PCDH11Y: variants seen among roughly 807,000 people sequenced by gnomAD.
PCDH11Y encodes protocadherin-11 Y-linked.
For missense variants in PCDH11Y, 12 were observed against 224.8 expected, an observed-to-expected ratio of 0.05 and a Z score of 6.05; for synonymous variants, 9 against 83.6, an observed-to-expected ratio of 0.11 and a Z score of 4.87.
intron 4 of PCDH11Y, among the ~76,000 whole-genome samples, chrY:5,634,299 A>T: frequency 3.0e-5 from 1 of 33,133 alleles, no homozygotes. Context: ...GATTTATCTT[A>T]TAAGAAAAGG....
At chrY:5,205,543 A>AATAT (rs113629927) in intron 2 of PCDH11Y, among the ~76,000 whole-genome samples, 2 of 23,112 alleles carry the variant, frequency 8.7e-5, no homozygotes, top group African/African-American at 3.3e-4. Flanking sequence ...ATATACACTG[A>AATAT]ATATATATAT....
intron 2 of PCDH11Y, among the ~76,000 whole-genome samples, chrY:5,435,164 C>T (rs2124681012): frequency 2.4e-4 from 8 of 33,263 alleles, no homozygotes; most frequent in Admixed American, 8.2e-4. Context: ...CTTACAGCCT[C>T]TGTAAAGTTG....
chrY:5,741,364 T>A (rs2750739), exon 5 of PCDH11Y: 1 of 29,995 alleles, frequency 3.3e-5, no homozygotes, highest in Non-Finnish European at 7.9e-5. Context: ...AAATTAAAGG[T>A]GTTTTACTCA....
At chrY:5,021,357 G>T in intron 1 of PCDH11Y, among the ~76,000 whole-genome samples, 1 of 32,637 alleles carries the variant, frequency 3.1e-5, no homozygotes, top group Non-Finnish European at 7.5e-5. Context: ...GCATAACGCC[G>T]TCTCTATTAA....
At chrY:5,560,718 A>G in intron 3 of PCDH11Y, among the ~76,000 whole-genome samples, 1 of 33,433 alleles carries the variant, frequency 3.0e-5, no homozygotes, top group African/African-American at 1.2e-4. Context: ...CCTAGGTTTC[A>G]GGGGATTTGT....
intron 3 of PCDH11Y, among the ~76,000 whole-genome samples, chrY:5,575,855 CA>C (rs2053445569): frequency 3.1e-5 from 1 of 32,718 alleles, no homozygotes; most frequent in Non-Finnish European, 7.5e-5. Flanking sequence ...CTTTACAAAT[CA>C]ATTTCACTGT....
At chrY:5,283,837 A>G (rs2124661026) in intron 2 of PCDH11Y, among the ~76,000 whole-genome samples, 1 of 32,066 alleles carries the variant, frequency 3.1e-5, no homozygotes, top group African/African-American at 1.2e-4. Flanking sequence ...AACTATAATA[A>G]TGATACCAAC....
chrY:5,135,959 G>A, intron 2 of PCDH11Y, among the ~76,000 whole-genome samples: 1 of 31,309 alleles, frequency 3.2e-5, no homozygotes, highest in Non-Finnish European at 7.7e-5. Flanking sequence ...GCAACATCCT[G>A]GCTAACCAGA....
At chrY:5,509,068 A>G in intron 3 of PCDH11Y, among the ~76,000 whole-genome samples, 1 of 32,981 alleles carries the variant, frequency 3.0e-5, no homozygotes, top group South Asian at 6.7e-4. Flanking sequence ...CTAAATTAAG[A>G]TTTGAAGTGT....
chrY:5,467,864 T>C, intron 2 of PCDH11Y, among the ~76,000 whole-genome samples: 2 of 32,733 alleles, frequency 6.1e-5, no homozygotes, highest in Non-Finnish European at 1.5e-4. Context: ...AAAGAAATAA[T>C]ACCAAATTTA....
chrY:5,557,547 T>C (rs2053424116), intron 3 of PCDH11Y, among the ~76,000 whole-genome samples: 1 of 34,530 alleles, frequency 2.9e-5, no homozygotes, highest in African/African-American at 1.1e-4. Flanking sequence ...CATAGTTCTT[T>C]ATCAGTTCCA....
At chrY:5,403,359 G>T in intron 2 of PCDH11Y, among the ~76,000 whole-genome samples, 1 of 32,909 alleles carries the variant, frequency 3.0e-5, no homozygotes, top group East Asian at 8.0e-4. Context: ...AACTTCACCC[G>T]TTTCAATTTT....
At chrY:5,589,431 G>A (rs2053458579) in intron 4 of PCDH11Y, among the ~76,000 whole-genome samples, 2 of 33,450 alleles carry the variant, frequency 6.0e-5, no homozygotes, top group African/African-American at 2.3e-4. Context: ...CTGTTACCTT[G>A]TAAGTTACCT....
chrY:5,298,353 G>A, intron 2 of PCDH11Y, among the ~76,000 whole-genome samples: 1 of 32,795 alleles, frequency 3.0e-5, no homozygotes, highest in African/African-American at 1.2e-4. Context: ...CAGTTAATCC[G>A]GATATTTCAA....
chrY:5,392,161 G>A (rs2053221894), intron 2 of PCDH11Y, among the ~76,000 whole-genome samples: 1 of 32,255 alleles, frequency 3.1e-5, no homozygotes, highest in Non-Finnish European at 7.5e-5. Flanking sequence ...ACGAGGTCAG[G>A]AGATCGAGAC....
In PCDH11Y at chrY:5,017,301, A is replaced by T. The variant is rs1569474166; in HGVS notation, c.-133-14605A>T. 1.5e-4 allele frequency among the ~76,000 whole-genome samples: 5 copies of T among 33,510 alleles called. No individual in the cohort carries two copies. In the East Asian group the frequency reaches 3.1e-3, roughly 21 times the overall value. The allele number at this position is 33,510 out of a possible 37,273, so 89.9% of individuals were successfully genotyped here. ...GCCATGTATTCTTACTGCATAGTAT[A>T]CATTTTTAGAGTAAATTCTTTTAAG... On this transcript the variant is annotated intron_variant, in intron 1 of 5. Coordinates refer to the PCDH11Y transcript ENST00000333703.
At chrY:5,676,938 T>C in intron 4 of PCDH11Y, among the ~76,000 whole-genome samples, 1 of 31,776 alleles carries the variant, frequency 3.1e-5, no homozygotes, top group Non-Finnish European at 7.6e-5. Flanking sequence ...AGTTCCAAAG[T>C]TGCTTCCACA....
At chrY:5,512,209 G>A in intron 3 of PCDH11Y, among the ~76,000 whole-genome samples, 1 of 33,434 alleles carries the variant, frequency 3.0e-5, no homozygotes, top group Non-Finnish European at 7.4e-5. Context: ...CGGGCGTGGT[G>A]GCTCACGCCT....
At chrY:5,075,799 C>G in intron 1 of PCDH11Y, among the ~76,000 whole-genome samples, 1 of 33,791 alleles carries the variant, frequency 3.0e-5, no homozygotes, top group Non-Finnish European at 7.4e-5. Context: ...TTTCCTTTAC[C>G]CATTCATCTG....
Sources: allele counts gnomAD v4.1 joint callset (sites outside exome capture counted in the v4.1 genomes callset), GRCh38; gene constraint gnomAD v4.1.1; transcripts MANE v1.5; gene names NCBI Gene and HGNC (gene_info 2026-07-23, HGNC 2026-07-21).